The following PDE4D variants were observed in gnomAD, a reference collection of about 807,000 sequenced individuals.
PDE4D encodes the protein phosphodiesterase 4D.
In PDE4D, 24 loss-of-function variants were observed where a neutral mutation model predicts 87.4. That is an observed-to-expected ratio of 0.27 (90% CI 0.20 to 0.39). PDE4D has a LOEUF of 0.39. Ranked by LOEUF, PDE4D falls within the 10% of genes least tolerant of loss-of-function variation. The probability of loss-of-function intolerance (pLI) is 1.00; values close to 1 mark genes in which losing one functional copy is unlikely to be tolerated. For missense variants in PDE4D, 714 were observed against 1,041.0 expected (o/e 0.69, Z 4.32); for synonymous variants, 384 against 383.2 (o/e 1.00, Z -0.02).
At chr5:59,974,718 C>A (rs192530176) in intron 3 of PDE4D, among the ~76,000 whole-genome samples, 1 of 152,294 alleles carries the variant, frequency 6.6e-6, no homozygotes, top group Admixed American at 6.5e-5. Context: ...ATAATCATAT[C>A]TCAGACAACC....
intron 2 of PDE4D, among the ~76,000 whole-genome samples, chr5:60,047,990 G>T (rs1253607377): frequency 6.6e-6 from 1 of 152,144 alleles, no homozygotes; most frequent in African/African-American, 2.4e-5. Context: ...TTATTAATGT[G>T]TGGGAGTCTA....
At chr5:59,261,439 T>C (rs1761993086) in intron 1 of PDE4D, among the ~76,000 whole-genome samples, 1 of 151,842 alleles carries the variant, frequency 6.6e-6, no homozygotes, top group Non-Finnish European at 1.5e-5. Flanking sequence ...CAGTTATTTA[T>C]AGAAAGAAAA....
chr5:60,098,257 A>C (rs1247780004), intron 2 of PDE4D, among the ~76,000 whole-genome samples: 2 of 151,882 alleles, frequency 1.3e-5, no homozygotes, highest in Admixed American at 6.6e-5. Flanking sequence ...TATAGTTAAC[A>C]ATAATTTATT....
intron 3 of PDE4D, among the ~76,000 whole-genome samples, chr5:59,933,516 A>C (rs967020643): frequency 6.6e-6 from 1 of 152,182 alleles, no homozygotes; most frequent in Non-Finnish European, 1.5e-5. Context: ...GGCTCCTACT[A>C]TGTGCCAAGA....
intron 1 of PDE4D, among the ~76,000 whole-genome samples, chr5:60,250,704 A>G (rs1748328231): frequency 6.6e-6 from 1 of 152,048 alleles, no homozygotes; most frequent in Non-Finnish European, 1.5e-5. Context: ...TGTGTACTAC[A>G]TAATACATGA....
At chr5:59,171,452 G>A (rs1782747780) in intron 5 of PDE4D, among the ~76,000 whole-genome samples, 1 of 152,032 alleles carries the variant, frequency 6.6e-6, no homozygotes, top group Admixed American at 6.6e-5. Context: ...TTGTTCCTAC[G>A]ATTGGAAATG....
intron 2 of PDE4D, among the ~76,000 whole-genome samples, chr5:60,141,015 C>G (rs1366452552): frequency 1.3e-5 from 2 of 152,100 alleles, no homozygotes; most frequent in Non-Finnish European, 2.9e-5. Context: ...AGAAAGCTAC[C>G]AAGAATGAAG....
Position 60,304,375 on chromosome 5 carries a change from G to C in PDE4D, c.-89-118688C>G, listed in dbSNP as rs1754242353. ...AATGGAGAGAGAAGGGCCGGGCGCG[G>C]TGGCTCACGCCTGTAATCCCAGCAC... is the stretch of plus-strand genomic sequence containing the variant. On this transcript the variant is annotated intron_variant, in intron 1 of 16. Coordinates refer to the PDE4D transcript ENST00000502484. Among the ~76,000 whole-genome samples, 2 of 151,902 alleles carry C rather than the reference G, an allele frequency of 1.3e-5. 1 individual carries two copies. Among genetic ancestry groups the C allele is most frequent in the South Asian group, 4.1e-4 (2 of 4,824 alleles).
chr5:59,176,853 C>A (rs1034757309), intron 5 of PDE4D, among the ~76,000 whole-genome samples: 2 of 152,200 alleles, frequency 1.3e-5, no homozygotes, highest in Middle Eastern at 3.4e-3. Context: ...AAGCTACCAG[C>A]GTCTGTGAAT....
chr5:60,185,413 G>A (rs1784702823), intron 2 of PDE4D: 2 of 527,742 alleles, frequency 3.8e-6, no homozygotes, highest in Non-Finnish European at 6.9e-6. Flanking sequence ...TTGTTAATAA[G>A]CTGTGTACAG....
intron 1 of PDE4D, among the ~76,000 whole-genome samples, chr5:60,419,686 T>C (rs1178379480): frequency 6.6e-6 from 1 of 152,192 alleles, no homozygotes; most frequent in Non-Finnish European, 1.5e-5. Context: ...GCAAATCAAA[T>C]TGATACCTAT....
At chr5:59,930,397 C>T (rs1403267251) in intron 3 of PDE4D, among the ~76,000 whole-genome samples, 1 of 152,038 alleles carries the variant, frequency 6.6e-6, no homozygotes. Flanking sequence ...TGATGGAGAT[C>T]TCTACTTCCA....
At chr5:59,701,837 A>G (rs958706380) in intron 1 of PDE4D, among the ~76,000 whole-genome samples, 2 of 152,208 alleles carry the variant, frequency 1.3e-5, no homozygotes, top group Admixed American at 6.5e-5. Context: ...AAACAGCTCA[A>G]TTCCTCTACA....
At chr5:59,638,899 A>G (rs1299155590) in intron 1 of PDE4D, among the ~76,000 whole-genome samples, 1 of 152,136 alleles carries the variant, frequency 6.6e-6, no homozygotes, top group Admixed American at 6.6e-5. Context: ...TTTCACAGGT[A>G]CTGAATTGCA....
At chr5:59,699,993 A>G (rs1752333036) in intron 1 of PDE4D, among the ~76,000 whole-genome samples, 1 of 152,144 alleles carries the variant, frequency 6.6e-6, no homozygotes, top group Admixed American at 6.5e-5. Context: ...CTTTAGTTTG[A>G]GTAGATATAT....
In PDE4D at chr5:60,096,059, T is replaced by C. The variant is rs557028179; in HGVS notation, c.42+89498A>G. 9.2e-5 allele frequency among the ~76,000 whole-genome samples: 14 copies of C among 152,302 alleles called. No individual in the cohort carries two copies. In the South Asian group the frequency reaches 2.7e-3, roughly 29 times the overall value. Reference sequence around the variant, plus strand: ...TCTGTAGGCTGCCTGTTCACTCTGATGATACTTTCTTTTGCCGTGCAGAAG... The same window carrying C: ...TCTGTAGGCTGCCTGTTCACTCTGACGATACTTTCTTTTGCCGTGCAGAAG... On this transcript the variant is annotated intron_variant, in intron 2 of 16. Transcript: ENST00000502484.
intron 1 of PDE4D, among the ~76,000 whole-genome samples, chr5:59,378,529 G>C (rs1785135810): frequency 6.6e-6 from 1 of 152,092 alleles, no homozygotes; most frequent in Non-Finnish European, 1.5e-5. Context: ...TCCAAGAAAA[G>C]TGTTAGAAAA....
intron 1 of PDE4D, among the ~76,000 whole-genome samples, chr5:60,404,161 C>CTTTTTTTTTT (rs35780128): frequency 8.4e-6 from 1 of 119,396 alleles, no homozygotes; most frequent in Non-Finnish European, 1.7e-5. Flanking sequence ...TCAGCCAATT[C>CTTTTTTTTTT]TTTTTTTTTT....
chr5:59,250,392 T>A (rs922430742), intron 1 of PDE4D, among the ~76,000 whole-genome samples: 1 of 150,472 alleles, frequency 6.6e-6, no homozygotes. Flanking sequence ...ACTCATGAGG[T>A]TGAGGTGGGA....
Sources: allele counts gnomAD v4.1 joint callset (sites outside exome capture counted in the v4.1 genomes callset), GRCh38; gene constraint gnomAD v4.1.1; transcripts MANE v1.5; gene names NCBI Gene and HGNC (gene_info 2026-07-23, HGNC 2026-07-21).